The following SLC2A14 variants were observed in gnomAD, a reference collection of about 807,000 sequenced individuals.
SLC2A14 encodes solute carrier family 2, facilitated glucose transporter member 14.
Under a neutral mutation model 43.0 loss-of-function variants are expected in SLC2A14, and 13 were observed. The observed-to-expected ratio is 0.30, with a 90% CI of 0.20 to 0.48. The LOEUF (loss-of-function observed/expected upper bound fraction) is 0.48. SLC2A14 is among the 20% of genes least tolerant of loss of function. The probability of loss-of-function intolerance (pLI) is 0.99; values close to 1 mark genes in which losing one functional copy is unlikely to be tolerated. For missense variants in SLC2A14, 428 were observed against 620.4 expected (o/e 0.69, Z 3.29); for synonymous variants, 190 against 233.8 (o/e 0.81, Z 1.71).
rs753551449 is a variant in SLC2A14 at position 7,879,020 on chromosome 12, T to C, written c.132+11976A>G. 1.3e-3 allele frequency among the ~76,000 whole-genome samples: 199 copies of C among 151,182 alleles called. 2 individuals carry two copies. Among genetic ancestry groups the C allele is most frequent in the African/African-American group, 4.6e-3 (191 of 41,308 alleles). On this transcript the variant is annotated intron_variant, in intron 1 of 9. Transcript: ENST00000539924. ...AAAAAAAAAAACAATTTGTCTTTCTTTTTTTTCCTCAACCTTACTCTAGAA... is the reference window on the plus strand; with the variant it reads ...AAAAAAAAAAACAATTTGTCTTTCTCTTTTTTCCTCAACCTTACTCTAGAA...
chr12:7,831,674 C>T lies in SLC2A14; in HGVS notation c.202G>A (p.Val68Met), dbSNP rs148820254. The stretch of plus-strand genomic sequence containing the variant: ...ATACCCCCGACGGAAAATATGGCCA[C>T]AGACAAGGACCAGAGATTCGTGAGC... The part of the protein sequence containing the change: ...VLLTNLWSLS[V>M]AIFSVGGMIG... The change falls in exon 4 of 11, where the codon GTG (valine) becomes ATG (methionine). Residue 68 changes from valine (V) to methionine (M), a missense_variant. By Grantham distance (21) the Val-to-Met change is conservative (BLOSUM62 1). Transcript: ENST00000431042. 4 of 1,614,080 alleles carry T rather than the reference C, an allele frequency of 2.5e-6. No individual in the cohort carries two copies. Among genetic ancestry groups the T allele is most frequent in the Non-Finnish European group, 3.4e-6 (4 of 1,180,050 alleles).
intron 2 of SLC2A14, among the ~76,000 whole-genome samples, chr12:7,869,059 G>A (rs773939128): frequency 1.3e-5 from 2 of 151,490 alleles, no homozygotes; most frequent in South Asian, 2.1e-4. Flanking sequence ...CAGAAGAATC[G>A]TTTGAACCCA....
intron 7 of SLC2A14, among the ~76,000 whole-genome samples, chr12:7,822,822 G>A (rs775897151): frequency 6.6e-6 from 1 of 152,294 alleles, no homozygotes; most frequent in South Asian, 2.1e-4. Context: ...TGGGATTATA[G>A]GCATGTGCCA....
At chr12:7,874,858 A>G (rs1297951215), upstream of SLC2A14, among the ~76,000 whole-genome samples, 37 of 116,936 alleles carry the variant, frequency 3.2e-4, no homozygotes, top group Non-Finnish European at 5.0e-4. Context: ...TATATAAATT[A>G]TATATAAATA....
intron 3 of SLC2A14, among the ~76,000 whole-genome samples, chr12:7,832,133 T>C (rs1865092936): frequency 6.6e-6 from 1 of 152,000 alleles, no homozygotes; most frequent in African/African-American, 2.4e-5. Flanking sequence ...ACAAAACAAA[T>C]ATTAGGGATC....
At chr12:7,883,255 CT>C (rs1945620633) in intron 1 of SLC2A14, among the ~76,000 whole-genome samples, 1 of 102,476 alleles carries the variant, frequency 9.8e-6, no homozygotes, top group South Asian at 3.1e-4. Context: ...CTTTCTTTTT[CT>C]TTCTTTCTTT....
chr12:7,867,993 C>T (rs1374436320), intron 2 of SLC2A14, among the ~76,000 whole-genome samples: 2 of 152,072 alleles, frequency 1.3e-5, no homozygotes, highest in Non-Finnish European at 2.9e-5. Flanking sequence ...AGAACTGACT[C>T]GAATTATGAA....
chr12:7,818,081 C>T (rs948829105), intron 9 of SLC2A14, 47 bp from the exon 10 acceptor site: 2 of 1,563,662 alleles, frequency 1.3e-6, no homozygotes, highest in East Asian at 2.3e-5. Context: ...GACAGTGTAA[C>T]CCAGGATCTA....
In SLC2A14 at chr12:7,819,234, AAAC is replaced by A. The variant is rs1448381501; in HGVS notation, c.1071+245_1071+247del. 2.4e-4 allele frequency among the ~76,000 whole-genome samples: 36 copies of A among 152,186 alleles called. 1 individual carries two copies. The Middle Eastern group carries it at 0.01, about 43-fold the overall frequency. On this transcript the variant is annotated intron_variant, in intron 9 of 10. Transcript: ENST00000431042. ...CTCCGTCTCAAACAAACAAACAAAC[AAAC>A]AAAAGAATTAAATTAGATAACTTAT...
Position 7,889,959 on chromosome 12 carries a change from C to G in SLC2A14, c.132+1037G>C, listed in dbSNP as rs763969502. 5.3e-5 allele frequency among the ~76,000 whole-genome samples: 8 copies of G among 152,202 alleles called. No individual in the cohort carries two copies. The South Asian group carries it at 1.7e-3, about 32-fold the overall frequency. ...CCTTGGCATTCCTAAACTGTCATGG[C>G]GCTGATGGGAGTGTAGCAGTGAGGA... On this transcript the variant is annotated intron_variant, in intron 1 of 9. Coordinates refer to the SLC2A14 transcript ENST00000539924.
chr12:7,843,032 A>G (rs1866114262), intron 2 of SLC2A14, among the ~76,000 whole-genome samples: 1 of 152,080 alleles, frequency 6.6e-6, no homozygotes, highest in Admixed American at 6.6e-5. Flanking sequence ...CTGGCCACAT[A>G]AATGTTTTAA....
At chr12:7,864,083 T>G (rs768682490) in intron 2 of SLC2A14, among the ~76,000 whole-genome samples, 2 of 152,108 alleles carry the variant, frequency 1.3e-5, no homozygotes, top group East Asian at 3.9e-4. Flanking sequence ...CACAAAGTGC[T>G]GGGATTACAG....
chr12:7,830,441 ACG>A (rs1864924667), intron 4 of SLC2A14, among the ~76,000 whole-genome samples: 1 of 151,894 alleles, frequency 6.6e-6, no homozygotes, highest in Non-Finnish European at 1.5e-5. Flanking sequence ...GTGAGCCACC[ACG>A]CCCAGCCCTT....
At chr12:7,888,303 T>A (rs562862651) in intron 1 of SLC2A14, among the ~76,000 whole-genome samples, 1 of 151,980 alleles carries the variant, frequency 6.6e-6, no homozygotes, top group Non-Finnish European at 1.5e-5. Context: ...CAAGCAGTAA[T>A]GAAAGAAATA....
intron 1 of SLC2A14, chr12:7,890,901 A>T: frequency 7.2e-7 from 1 of 1,379,440 alleles, no homozygotes; most frequent in Non-Finnish European, 9.6e-7. Flanking sequence ...GTGCTGATTA[A>T]GAGAGACAGG....
rs1213320808 is a variant in SLC2A14, at chr12:7,869,881, C to T, written c.-1G>A. 6.5e-7 allele frequency: 1 copy of T among 1,527,772 alleles called. No individual in the cohort carries two copies. Among genetic ancestry groups the T allele is most frequent in the South Asian group, 1.2e-5 (1 of 83,732 alleles). The allele number at this position is 1,527,772 out of a possible 1,614,324, so 94.6% of individuals were successfully genotyped here. On this transcript the variant is annotated 5_prime_UTR_variant, in exon 2 of 11. Coordinates refer to ENST00000431042, the MANE Select transcript of SLC2A14 (RefSeq NM_001286234.2). ...TACTCACATTCTGTCTGTTGTCCAT[C>T]TCTCTGCTATCCTAGGAATTGACTC...
chr12:7,832,310 T>C (rs1865109182), intron 3 of SLC2A14, among the ~76,000 whole-genome samples: 2 of 152,200 alleles, frequency 1.3e-5, no homozygotes, highest in African/African-American at 4.8e-5. Flanking sequence ...TAAGCGAACC[T>C]GGCCAGCTTG....
At chr12:7,865,090 G>A (rs1944834932) in intron 2 of SLC2A14, among the ~76,000 whole-genome samples, 1 of 152,116 alleles carries the variant, frequency 6.6e-6, no homozygotes, top group African/African-American at 2.4e-5. Context: ...CTCACTTTGA[G>A]TCTCTGTGCC....
intron 6 of SLC2A14, among the ~76,000 whole-genome samples, chr12:7,828,049 G>T (rs1864646623): frequency 2.0e-5 from 3 of 151,206 alleles, no homozygotes; most frequent in Middle Eastern, 6.8e-3. Flanking sequence ...TAATAAACTT[G>T]CTTTCACTTA....
Sources: gnomAD v4.1 joint callset for allele counts (sites outside exome capture counted in the v4.1 genomes callset) on GRCh38, gnomAD v4.1.1 for gene constraint, MANE v1.5 for transcripts, NCBI Gene and HGNC (gene_info 2026-07-23, HGNC 2026-07-21) for gene names.